SGCD: variants seen among roughly 807,000 people sequenced by gnomAD.
The protein encoded by SGCD is sarcoglycan delta.
A neutral mutation model predicts 36.6 loss-of-function variants in SGCD; 18 were observed. The observed-to-expected ratio is 0.49, with a 90% CI of 0.34 to 0.73. The LOEUF is 0.73. Among genes scored for constraint, SGCD ranks in the 30% least tolerant of loss-of-function variants. SGCD has a pLI of 0.01. For missense variants in SGCD, 387 were observed against 346.7 expected, an observed-to-expected ratio of 1.12 and a Z score of -0.92; for synonymous variants, 133 against 130.6, an observed-to-expected ratio of 1.02 and a Z score of -0.12.
At position 156,490,278 on chromosome 5, in the gene SGCD, G is replaced by A. The variant is rs184101883; in HGVS notation, c.193-18323G>A. On this transcript the variant is annotated intron_variant, in intron 3 of 8. Coordinates refer to ENST00000337851, the MANE Select transcript of SGCD (RefSeq NM_000337.6). Reference sequence around the variant, plus strand: ...CCTTTACTGCAGAATTCAACCAAACGTACAAAGAACTAACACTAATTCTTC... The same window carrying A: ...CCTTTACTGCAGAATTCAACCAAACATACAAAGAACTAACACTAATTCTTC... 7.2e-5 allele frequency among the ~76,000 whole-genome samples: 11 copies of A among 151,964 alleles called. No homozygotes were observed. The East Asian group carries it at 1.5e-3, about 21-fold the overall frequency.
intron 1 of SGCD, among the ~76,000 whole-genome samples, chr5:155,951,247 C>T (rs1032035812): frequency 3.3e-5 from 5 of 152,246 alleles, no homozygotes; most frequent in Non-Finnish European, 7.4e-5. Context: ...ATTATAGCTG[C>T]ACTCTTCCTG....
intron 3 of SGCD, among the ~76,000 whole-genome samples, chr5:156,444,724 A>G (rs906171150): frequency 1.3e-5 from 2 of 152,162 alleles, no homozygotes; most frequent in African/African-American, 2.4e-5. Flanking sequence ...TAATTTCATT[A>G]CAGTATATAA....
At chr5:156,140,641 A>G (rs1397360361) in intron 3 of SGCD, among the ~76,000 whole-genome samples, 1 of 152,178 alleles carries the variant, frequency 6.6e-6, no homozygotes, top group Admixed American at 6.5e-5. Flanking sequence ...TCAACTGCTT[A>G]TATAGTAAAA....
At chr5:155,772,144 C>A in the SGCD span, among the ~76,000 whole-genome samples, 32 of 152,182 alleles carry the variant, frequency 2.1e-4, no homozygotes, top group South Asian at 3.9e-3. Flanking sequence ...TTGCCTCTTC[C>A]TGGGAAAAGG....
At chr5:156,482,621 A>G (rs1020527244) in intron 3 of SGCD, among the ~76,000 whole-genome samples, 14 of 152,308 alleles carry the variant, frequency 9.2e-5, no homozygotes, top group African/African-American at 3.1e-4. Flanking sequence ...TCAAAGTATC[A>G]TAATTCCATT....
At chr5:156,211,591 G>T (rs1274183708) in intron 3 of SGCD, among the ~76,000 whole-genome samples, 2 of 145,534 alleles carry the variant, frequency 1.4e-5, no homozygotes, top group African/African-American at 5.1e-5. Flanking sequence ...CTGGGCGACA[G>T]AGCGAGACTC....
intron 1 of SGCD, among the ~76,000 whole-genome samples, chr5:156,052,464 T>C (rs1286412658): frequency 1.4e-5 from 2 of 146,148 alleles, no homozygotes; most frequent in Admixed American, 6.8e-5. Flanking sequence ...AGGACTAAGT[T>C]TATAAAAGAT....
chr5:156,571,638 C>T (rs1023527582), intron 4 of SGCD, among the ~76,000 whole-genome samples: 3 of 152,166 alleles, frequency 2.0e-5, no homozygotes, highest in African/African-American at 7.2e-5. Flanking sequence ...TCACAGTCTC[C>T]GTGGCCTGCT....
chr5:156,056,581 T>C lies in SGCD; in HGVS notation c.-281-61297T>C, dbSNP rs1416379117. On this transcript the variant is annotated intron_variant, in intron 1 of 9. Coordinates refer to the SGCD transcript ENST00000517913. ...GAAGAACACACTTTGATCTATGATTTCATCTCCTACCCCAACCAATCAACT... is the reference window on the plus strand; with the variant it reads ...GAAGAACACACTTTGATCTATGATTCCATCTCCTACCCCAACCAATCAACT... Among the ~76,000 whole-genome samples the C allele has an allele frequency of 1.5e-5, 2 of 137,800 alleles. 1 individual carries two copies. Among genetic ancestry groups the C allele is most frequent in the South Asian group, 4.7e-4 (2 of 4,262 alleles). The allele number at this position is 137,800 out of a possible 152,430, so 90.4% of individuals were successfully genotyped here.
chr5:155,892,327 G>T (rs1360889907), intron 1 of SGCD, among the ~76,000 whole-genome samples: 1 of 152,012 alleles, frequency 6.6e-6, no homozygotes, highest in Non-Finnish European at 1.5e-5. Context: ...ATGGTGGCAT[G>T]TGCCTGTAGT....
the SGCD span, among the ~76,000 whole-genome samples, chr5:155,749,197 A>G: frequency 6.6e-6 from 1 of 152,178 alleles, no homozygotes; most frequent in South Asian, 2.1e-4. Flanking sequence ...ATTATTATTG[A>G]GATTTTTATA....
intron 3 of SGCD, among the ~76,000 whole-genome samples, chr5:156,486,392 C>G (rs966218113): frequency 1.3e-5 from 2 of 152,156 alleles, no homozygotes; most frequent in Non-Finnish European, 2.9e-5. Context: ...GCCAGTGCCA[C>G]TGATAACAAC....
chr5:156,538,711 G>A (rs1758224200), intron 4 of SGCD, among the ~76,000 whole-genome samples: 1 of 152,034 alleles, frequency 6.6e-6, no homozygotes, highest in African/African-American at 2.4e-5. Flanking sequence ...CAGAGTAGAT[G>A]CTAAATAAAT....
At chr5:156,372,821 T>A (rs1770459552) in intron 3 of SGCD, among the ~76,000 whole-genome samples, 1 of 152,030 alleles carries the variant, frequency 6.6e-6, no homozygotes, top group African/African-American at 2.4e-5. Context: ...GGTGCTAAAA[T>A]TTTTTGTTCT....
chr5:155,888,637 G>T (rs76989382), intron 1 of SGCD, among the ~76,000 whole-genome samples: 28,951 of 151,936 alleles, frequency 0.19, 3,606 homozygotes, highest in Admixed American at 0.41. Context: ...GGAGGGGGAG[G>T]ACTTAGCAAG....
intron 4 of SGCD, among the ~76,000 whole-genome samples, chr5:156,535,564 C>T (rs534190868): frequency 6.6e-6 from 1 of 152,146 alleles, no homozygotes; most frequent in Non-Finnish European, 1.5e-5. Flanking sequence ...AGTTCTTTAT[C>T]AGTTAGGGGA....
chr5:156,269,322 T>C (rs886506426), intron 3 of SGCD, among the ~76,000 whole-genome samples: 3 of 151,514 alleles, frequency 2.0e-5, no homozygotes, highest in Non-Finnish European at 4.4e-5. Context: ...ACAAAAAAAT[T>C]AGCCGGGCAT....
At chr5:156,198,223 G>A (rs763180420) in intron 3 of SGCD, among the ~76,000 whole-genome samples, 1 of 151,912 alleles carries the variant, frequency 6.6e-6, no homozygotes, top group Non-Finnish European at 1.5e-5. Flanking sequence ...TTCCAGTAAG[G>A]GCAGGTGCAG....
chr5:156,351,596 C>T (rs1326232960), intron 3 of SGCD, among the ~76,000 whole-genome samples: 3 of 127,270 alleles, frequency 2.4e-5, no homozygotes, highest in Non-Finnish European at 4.9e-5. Flanking sequence ...TGTTTGCTAT[C>T]GTCGTAGTCA....
Sources: allele counts gnomAD v4.1 joint callset (sites outside exome capture counted in the v4.1 genomes callset), GRCh38; gene constraint gnomAD v4.1.1; transcripts MANE v1.5; gene names NCBI Gene and HGNC (gene_info 2026-07-23, HGNC 2026-07-21).